The following CYFIP2 variants were observed in gnomAD, a reference collection of about 807,000 sequenced individuals.
CYFIP2 encodes the protein cytoplasmic FMR1-interacting protein 2.
A neutral mutation model predicts 158.7 loss-of-function variants in CYFIP2; 29 were observed. That is an observed-to-expected ratio of 0.18 (90% CI 0.14 to 0.25). CYFIP2 has a LOEUF of 0.25. Ranked by LOEUF, CYFIP2 falls within the 10% of genes least tolerant of loss-of-function variation. The pLI, the probability that CYFIP2 is intolerant of heterozygous loss-of-function variation, is 1.00. For synonymous variants in CYFIP2, 585 were observed against 617.6 expected, an observed-to-expected ratio of 0.95 and a Z score of 0.78; for missense variants, 852 against 1,639.5, an observed-to-expected ratio of 0.52 and a Z score of 8.29.
Position 157,359,002 on chromosome 5 carries a change from C to T in CYFIP2, c.2674-3C>T. ...CTTATTTGCCACTACCTCTGTTTTCCAGCCTCTCAACATTGCCTACAGCCA... is the reference window on the plus strand; with the variant it reads ...CTTATTTGCCACTACCTCTGTTTTCTAGCCTCTCAACATTGCCTACAGCCA... On this transcript the variant is annotated splice_region_variant and splice_polypyrimidine_tract_variant and intron_variant, in intron 23 of 30. Coordinates refer to ENST00000620254, the MANE Select transcript of CYFIP2 (RefSeq NM_001037333.3). 1.2e-6 allele frequency: 2 copies of T among 1,613,994 alleles called. No homozygotes were observed. The highest frequency in any genetic ancestry group is 1.7e-6 in the Non-Finnish European group (2 of 1,179,882).
intron 28 of CYFIP2, among the ~76,000 whole-genome samples, chr5:157,386,619 G>A (rs1208609934): frequency 2.0e-5 from 3 of 152,186 alleles, no homozygotes; most frequent in East Asian, 1.9e-4. Context: ...CTCACACGAT[G>A]TTATGTATAA....
intron 20 of CYFIP2, 70 bp from the exon 21 acceptor site, chr5:157,333,257 T>C: frequency 6.2e-7 from 1 of 1,600,274 alleles, no homozygotes; most frequent in South Asian, 1.1e-5. Context: ...GTGCTGGGAT[T>C]ACAGGCATGA....
chr5:157,341,028 T>C, intron 22 of CYFIP2, 42 bp from the exon 23 acceptor site: 1 of 1,558,828 alleles, frequency 6.4e-7, no homozygotes, highest in Non-Finnish European at 8.9e-7. Context: ...AGAATAATAT[T>C]AGGACCATAT....
Position 157,389,273 on chromosome 5 carries a change from C to G in CYFIP2, c.3292C>G (p.Arg1098Gly), listed in dbSNP as rs1237477468. ...GLSMFEVILT[R>G]IRSYLQDPIW... ...GTCCATGTTCGAGGTCATCCTGACC[C>G]GCATTCGGAGCTACCTGCAGGACCC... Residue 1098 changes from arginine to glycine, a missense_variant, in exon 29 of 31, where the codon CGC (arginine) becomes GGC (glycine). Coordinates refer to ENST00000620254, the MANE Select transcript of CYFIP2 (RefSeq NM_001037333.3). 1 of 1,614,078 alleles carries G rather than the reference C, an allele frequency of 6.2e-7. No individual in the cohort carries two copies. Among genetic ancestry groups the G allele is most frequent in the South Asian group, 1.1e-5 (1 of 91,086 alleles).
chr5:157,288,793 C>T, intron 3 of CYFIP2: 1 of 351,536 alleles, frequency 2.8e-6, no homozygotes, highest in Non-Finnish European at 5.6e-6. Flanking sequence ...AAAACCTTTG[C>T]TCCAGACTAT....
Position 157,315,488 on chromosome 5 carries a change from T to G in CYFIP2, c.1356+394T>G, listed in dbSNP as rs185264141. Among the ~76,000 whole-genome samples, 133 of 152,354 alleles carry G rather than the reference T, an allele frequency of 8.7e-4. 1 individual carries two copies. The highest frequency in any genetic ancestry group is 2.9e-3 in the African/African-American group (122 of 41,580). On this transcript the variant is annotated intron_variant, in intron 13 of 30. Transcript: ENST00000620254. Reference sequence around the variant, plus strand: ...AGAGATTTGACAGCTGGATGATGCCTGTTGCAGGTTAAAGTGCAGGAAATA... The same window carrying G: ...AGAGATTTGACAGCTGGATGATGCCGGTTGCAGGTTAAAGTGCAGGAAATA...
rs139249449 is a variant in CYFIP2, at chr5:157,378,151, C to T, written c.3040-4439C>T. On this transcript the variant is annotated intron_variant, in intron 26 of 30. Transcript: ENST00000620254. ...GAAGGAATTTTTGGGTACAAACTGA[C>T]GTGAGTGGTCTAATTATAGACTTGG... is the stretch of plus-strand genomic sequence containing the variant. Among the ~76,000 whole-genome samples, 622 of 152,162 alleles carry T rather than the reference C, an allele frequency of 4.1e-3. 4 individuals carry two copies. The highest frequency in any genetic ancestry group is 0.014 in the African/African-American group (580 of 41,514).
At chr5:157,321,503 A>C (rs960672709) in intron 15 of CYFIP2, among the ~76,000 whole-genome samples, 1 of 152,192 alleles carries the variant, frequency 6.6e-6, no homozygotes, top group Non-Finnish European at 1.5e-5. Context: ...ACAGAAAAAA[A>C]AGTCAATAAT....
intron 28 of CYFIP2, among the ~76,000 whole-genome samples, chr5:157,386,750 T>C (rs1331552962): frequency 6.6e-6 from 1 of 152,030 alleles, no homozygotes; most frequent in Non-Finnish European, 1.5e-5. Flanking sequence ...TGAAACCCCA[T>C]CTCTACTAAA....
chr5:157,310,789 T>C (rs1347024841), intron 10 of CYFIP2, among the ~76,000 whole-genome samples: 1 of 152,250 alleles, frequency 6.6e-6, no homozygotes, highest in Non-Finnish European at 1.5e-5. Context: ...AGGCTGTCAC[T>C]GTTCTACCAT....
chr5:157,360,505 C>T (rs1393043719), intron 25 of CYFIP2, 133 bp downstream of exon 25: 1 of 666,690 alleles, frequency 1.5e-6, no homozygotes, highest in African/African-American at 1.8e-5. Context: ...TACCCCGCCA[C>T]TAGCTAGATA....
chr5:157,322,485 G>GATTA (rs1427017986), intron 15 of CYFIP2, among the ~76,000 whole-genome samples: 2 of 152,254 alleles, frequency 1.3e-5, no homozygotes, highest in Non-Finnish European at 2.9e-5. Flanking sequence ...CAACTGGACA[G>GATTA]CACCCACAAC....
intron 28 of CYFIP2, chr5:157,384,084 G>A (rs1766397899): frequency 2.9e-6 from 1 of 347,320 alleles, no homozygotes; most frequent in African/African-American, 2.1e-5. Context: ...TAGAGTGGGA[G>A]AGAAAGAAGA....
chr5:157,345,897 A>G (rs1762650529), intron 23 of CYFIP2, among the ~76,000 whole-genome samples: 1 of 152,174 alleles, frequency 6.6e-6, no homozygotes, highest in Admixed American at 6.5e-5. Flanking sequence ...TTTTCTCCCC[A>G]GTTGGCTGAT....
In CYFIP2 at chr5:157,359,165, G is replaced by T; in HGVS notation, c.2817+17G>T. 6.2e-7 allele frequency: 1 copy of T among 1,613,912 alleles called. No homozygotes were observed. The highest frequency in any genetic ancestry group is 1.1e-5 in the South Asian group (1 of 91,084). ...AAGAGCTTGGTAAGGAAAGGCCTCA[G>T]TGTGGCTTGAGATATGCCCATGTGG... On this transcript the variant is annotated intron_variant, in intron 24 of 30. Transcript: ENST00000620254.
In CYFIP2 at chr5:157,332,964, T is replaced by C. The variant is rs1204555382; in HGVS notation, c.2266-363T>C. On this transcript the variant is annotated intron_variant, in intron 20 of 30. Coordinates refer to ENST00000620254, the MANE Select transcript of CYFIP2 (RefSeq NM_001037333.3). Reference sequence around the variant, plus strand: ...GTCCCATGACCATGAAAAATTAGGCTTGCAGACTGTTTAAAGGGTAGGTAA... The same window carrying C: ...GTCCCATGACCATGAAAAATTAGGCCTGCAGACTGTTTAAAGGGTAGGTAA... Among the ~76,000 whole-genome samples the C allele has an allele frequency of 3.3e-5, 5 of 152,140 alleles. No individual in the cohort carries two copies. The East Asian group carries it at 7.7e-4, about 23-fold the overall frequency.
chr5:157,354,551 C>T (rs1250110982), intron 23 of CYFIP2, among the ~76,000 whole-genome samples: 3 of 150,922 alleles, frequency 2.0e-5, no homozygotes, highest in Non-Finnish European at 4.4e-5. Flanking sequence ...TTCTTGCATG[C>T]GTGGGGTATA....
intron 26 of CYFIP2, among the ~76,000 whole-genome samples, chr5:157,382,173 G>A (rs1766194169): frequency 6.6e-6 from 1 of 152,172 alleles, no homozygotes; most frequent in African/African-American, 2.4e-5. Flanking sequence ...TTGTAGACTG[G>A]AAGACTGACC....
chr5:157,275,587 T>G (rs1000494944), intron 1 of CYFIP2, among the ~76,000 whole-genome samples: 1 of 152,248 alleles, frequency 6.6e-6, no homozygotes, highest in Non-Finnish European at 1.5e-5. Flanking sequence ...TCTTCCATTT[T>G]TGTTCAGTTC....
Sources: gnomAD v4.1 joint callset for allele counts (sites outside exome capture counted in the v4.1 genomes callset) on GRCh38, gnomAD v4.1.1 for gene constraint, MANE v1.5 for transcripts, NCBI Gene and HGNC (gene_info 2026-07-23, HGNC 2026-07-21) for gene names.